Variants in MAD1L1 observed in about 807,000 individuals in gnomAD.
MAD1L1 encodes mitotic spindle assembly checkpoint protein MAD1.
Under a neutral mutation model 96.9 loss-of-function variants are expected in MAD1L1, and 95 were observed. The ratio of observed to expected loss-of-function variants is 0.98; its 90% CI spans 0.83 to 1.16. The LOEUF (loss-of-function observed/expected upper bound fraction) is 1.16. Ranked by LOEUF, MAD1L1 falls within the 50% of genes most tolerant of loss-of-function variation. MAD1L1 has a pLI of 0.00. For missense variants in MAD1L1, 1,007 were observed against 954.4 expected (o/e 1.06, Z -0.73); for synonymous variants, 473 against 396.6 (o/e 1.19, Z -2.29).
intron 11 of MAD1L1, among the ~76,000 whole-genome samples, chr7:2,129,653 G>A (rs1455658937): frequency 2.6e-5 from 4 of 152,234 alleles, no homozygotes. Flanking sequence ...CCTGACGAGA[G>A]CAAGGTGGCA....
At chr7:2,061,960 G>A (rs1784678597) in intron 12 of MAD1L1, among the ~76,000 whole-genome samples, 1 of 152,188 alleles carries the variant, frequency 6.6e-6, no homozygotes, top group African/African-American at 2.4e-5. Context: ...AGGGAAGTGG[G>A]CCAGGCGCAG....
chr7:1,901,151 C>T (rs1484697813), intron 17 of MAD1L1, among the ~76,000 whole-genome samples: 4 of 152,314 alleles, frequency 2.6e-5, no homozygotes, highest in East Asian at 3.9e-4. Flanking sequence ...GCTGCCTCGA[C>T]GGAGTCGGTT....
chr7:2,228,545 A>C (rs781738131), intron 3 of MAD1L1, among the ~76,000 whole-genome samples: 7 of 152,090 alleles, frequency 4.6e-5, no homozygotes, highest in Non-Finnish European at 1.0e-4. Flanking sequence ...GAGCCACTGC[A>C]ACCAGCTCAG....
At chr7:2,149,048 G>A (rs1371852141) in intron 11 of MAD1L1, 104 bp downstream of exon 11, 2 of 986,116 alleles carry the variant, frequency 2.0e-6, no homozygotes, top group East Asian at 4.9e-5. Flanking sequence ...ACCACATGAT[G>A]AAGGACAGCC....
intron 17 of MAD1L1, among the ~76,000 whole-genome samples, chr7:1,909,437 C>T (rs544264691): frequency 1.3e-5 from 2 of 152,206 alleles, no homozygotes; most frequent in South Asian, 4.1e-4. Flanking sequence ...AATATTGATG[C>T]AATTTTATTA....
chr7:2,159,447 C>G (rs894847309), intron 10 of MAD1L1, among the ~76,000 whole-genome samples: 6 of 152,230 alleles, frequency 3.9e-5, no homozygotes, highest in Admixed American at 3.9e-4. Flanking sequence ...GGCTCCTGGC[C>G]GCTCCTCCTG....
At chr7:2,082,444 G>A (rs147713097) in intron 11 of MAD1L1, among the ~76,000 whole-genome samples, 132 of 152,340 alleles carry the variant, frequency 8.7e-4, no homozygotes, top group African/African-American at 3.0e-3. Context: ...GGGCCTGGGA[G>A]CTCAGCGGAG....
At chr7:2,077,693 G>C (rs1487057477) in intron 11 of MAD1L1, among the ~76,000 whole-genome samples, 1 of 152,234 alleles carries the variant, frequency 6.6e-6, no homozygotes, top group Non-Finnish European at 1.5e-5. Flanking sequence ...AGGCGCGCGG[G>C]AGCAGGAGAC....
At chr7:1,846,926 T>G in intron 18 of MAD1L1, 1 of 303,832 alleles carries the variant, frequency 3.3e-6, no homozygotes, top group Non-Finnish European at 6.3e-6. Context: ...GGGGCTTGAA[T>G]GGTATCACGG....
chr7:1,827,892 C>T (rs1032873431), intron 18 of MAD1L1, among the ~76,000 whole-genome samples: 12 of 152,252 alleles, frequency 7.9e-5, no homozygotes, highest in Non-Finnish European at 1.3e-4. Flanking sequence ...TCAGCGGCCT[C>T]TGCGCCTTCT....
chr7:2,101,927 G>T (rs900492447), intron 11 of MAD1L1, among the ~76,000 whole-genome samples: 1 of 152,148 alleles, frequency 6.6e-6, no homozygotes, highest in Non-Finnish European at 1.5e-5. Flanking sequence ...GTGCACACAG[G>T]GGGCTCTGCA....
At chr7:1,981,042 C>G (rs1002356049) in intron 14 of MAD1L1, among the ~76,000 whole-genome samples, 1 of 152,232 alleles carries the variant, frequency 6.6e-6, no homozygotes, top group Non-Finnish European at 1.5e-5. Flanking sequence ...TCTCGGCTCA[C>G]TGCAACCTCC....
intron 18 of MAD1L1, among the ~76,000 whole-genome samples, chr7:1,893,106 T>A (rs527938699): frequency 7.2e-5 from 11 of 152,260 alleles, no homozygotes; most frequent in African/African-American, 2.6e-4. Flanking sequence ...GACTCTGGAA[T>A]CTCTATCCCC....
At chr7:2,132,413 TTC>T (rs1167156585) in intron 11 of MAD1L1, among the ~76,000 whole-genome samples, 2 of 74,340 alleles carry the variant, frequency 2.7e-5, no homozygotes, top group Non-Finnish European at 6.8e-5. Flanking sequence ...GTGCAGTCGG[TTC>T]ACTGCTGCGT....
At chr7:1,890,628 T>C (rs1786478635) in intron 18 of MAD1L1, among the ~76,000 whole-genome samples, 1 of 152,190 alleles carries the variant, frequency 6.6e-6, no homozygotes, top group Non-Finnish European at 1.5e-5. Flanking sequence ...GGCAAGCCCA[T>C]CCTGCCAGTT....
rs189861459 is a variant in MAD1L1 at position 2,208,976 on chromosome 7, G to A, written c.986+4236C>T. Reference sequence around the variant, plus strand: ...AACTTCCAGCACCCTAAGGATGAGGGTGTCCACACCACACTCCCGGCACTG... The same window carrying A: ...AACTTCCAGCACCCTAAGGATGAGGATGTCCACACCACACTCCCGGCACTG... On this transcript the variant is annotated intron_variant, in intron 10 of 18. Transcript: ENST00000265854. 1.8e-4 allele frequency among the ~76,000 whole-genome samples: 28 copies of A among 152,284 alleles called. No homozygotes were observed. In the East Asian group the frequency reaches 5.4e-3, roughly 29 times the overall value.
intron 13 of MAD1L1, among the ~76,000 whole-genome samples, chr7:2,003,171 C>T (rs1412601233): frequency 3.6e-5 from 5 of 139,326 alleles, no homozygotes; most frequent in African/African-American, 5.3e-5. Context: ...AGGGAGAAAT[C>T]GAGAGGCAGG....
intron 18 of MAD1L1, among the ~76,000 whole-genome samples, chr7:1,877,955 A>C (rs115517597): frequency 6.6e-6 from 1 of 152,212 alleles, no homozygotes; most frequent in South Asian, 2.1e-4. Context: ...TGATGACGAA[A>C]AAAGAGATGA....
At chr7:1,874,976 C>CG (rs1785305073) in intron 18 of MAD1L1, among the ~76,000 whole-genome samples, 1 of 152,116 alleles carries the variant, frequency 6.6e-6, no homozygotes, top group African/African-American at 2.4e-5. Flanking sequence ...CTGGGAGCTC[C>CG]AGGGCAGGCA....
Sources: gnomAD v4.1 joint callset for allele counts (sites outside exome capture counted in the v4.1 genomes callset) on GRCh38, gnomAD v4.1.1 for gene constraint, MANE v1.5 for transcripts, NCBI Gene and HGNC (gene_info 2026-07-23, HGNC 2026-07-21) for gene names.